Variants in CD226 observed in about 807,000 individuals in gnomAD.
CD226 encodes the protein CD226 molecule, also known as CD226 antigen.
A neutral mutation model predicts 34.9 loss-of-function variants in CD226; 24 were observed. The ratio of observed to expected loss-of-function variants is 0.69; its 90% CI spans 0.50 to 0.97. The LOEUF (loss-of-function observed/expected upper bound fraction) is 0.97. Ranked by LOEUF, CD226 falls within the 50% of genes least tolerant of loss-of-function variation. The pLI is 0.00. For missense variants in CD226, 397 were observed against 412.7 expected, an observed-to-expected ratio of 0.96 and a Z score of 0.33; for synonymous variants, 148 against 147.4, an observed-to-expected ratio of 1.00 and a Z score of -0.03.
intron 2 of CD226, among the ~76,000 whole-genome samples, chr18:69,910,253 A>G (rs2055307730): frequency 6.6e-6 from 1 of 152,234 alleles, no homozygotes; most frequent in South Asian, 2.1e-4. Flanking sequence ...CAGAAAGGAG[A>G]AATAGGAACT....
intron 3 of CD226, among the ~76,000 whole-genome samples, chr18:69,890,136 CTTAAAA>C (rs1277668074): frequency 1.3e-5 from 2 of 152,084 alleles, no homozygotes; most frequent in Non-Finnish European, 2.9e-5. Flanking sequence ...AGGTAGAAAA[CTTAAAA>C]TTAAAATGGA....
rs1164271662 is a variant in CD226 at position 69,858,754 on chromosome 18, G to A, written c.*5560C>T. The A allele has an allele frequency of 1.3e-5, 1 of 78,182 alleles. No individual in the cohort carries two copies. The allele number at this position is 78,182 out of a possible 1,614,324, so 4.8% of individuals were successfully genotyped here. A position where few individuals can be genotyped will look rare whatever the true frequency, so the allele number is the denominator to read the frequency against. On this transcript the variant is annotated 3_prime_UTR_variant, in exon 6 of 6. Coordinates refer to ENST00000582621, the MANE Select transcript of CD226 (RefSeq NM_001303618.2). Reference sequence around the variant, plus strand: ...TTTTTTTTTTTTTTTTTTTGAGACGGAGTCTCGCTCTGTTGCCCAGGGTGG... The same window carrying A: ...TTTTTTTTTTTTTTTTTTTGAGACGAAGTCTCGCTCTGTTGCCCAGGGTGG...
intron 3 of CD226, among the ~76,000 whole-genome samples, chr18:69,883,850 T>C (rs1165988124): frequency 6.6e-6 from 1 of 152,166 alleles, no homozygotes; most frequent in Non-Finnish European, 1.5e-5. Context: ...GGGTGCCCCC[T>C]CCCCAGGATC....
intron 2 of CD226, among the ~76,000 whole-genome samples, chr18:69,900,731 T>A (rs1357335145): frequency 8.1e-6 from 1 of 124,050 alleles, no homozygotes; most frequent in African/African-American, 3.3e-5. Flanking sequence ...AGAGCGAGAC[T>A]CCGTCTCAAA....
intron 2 of CD226, among the ~76,000 whole-genome samples, chr18:69,913,393 CTTTT>C (rs937744991): frequency 1.3e-5 from 2 of 152,134 alleles, no homozygotes; most frequent in African/African-American, 4.8e-5. Context: ...ATTATTTAAG[CTTTT>C]TATTTCTCAG....
intron 2 of CD226, among the ~76,000 whole-genome samples, chr18:69,911,631 A>G (rs1247027182): frequency 6.6e-6 from 1 of 152,172 alleles, no homozygotes; most frequent in Non-Finnish European, 1.5e-5. Flanking sequence ...ATAATACCCA[A>G]TTCACTCAAA....
At chr18:69,950,072 A>G (rs2055837185), upstream of CD226, among the ~76,000 whole-genome samples, 1 of 151,942 alleles carries the variant, frequency 6.6e-6, no homozygotes, top group African/African-American at 2.4e-5. Flanking sequence ...GCACTCACAC[A>G]CATGCACACA....
intron 2 of CD226, among the ~76,000 whole-genome samples, chr18:69,905,371 T>A (rs980897561): frequency 1.1e-4 from 16 of 152,288 alleles, no homozygotes; most frequent in African/African-American, 3.9e-4. Context: ...AACACATTAG[T>A]GTGAAATTGT....
intron 2 of CD226, among the ~76,000 whole-genome samples, chr18:69,923,422 C>T (rs4891790): frequency 0.9 from 136,910 of 152,112 alleles, 62,991 homozygotes; most frequent in East Asian, 1. Context: ...ACTGCGAAAA[C>T]GTCCTCTTTT....
At chr18:69,900,962 GCAAATTCA>G (rs2055174933) in intron 2 of CD226, among the ~76,000 whole-genome samples, 1 of 152,132 alleles carries the variant, frequency 6.6e-6, no homozygotes. Flanking sequence ...CTCAGTGTCT[GCAAATTCA>G]CAAATGCCAT....
At chr18:69,905,268 T>C (rs983857457) in intron 2 of CD226, among the ~76,000 whole-genome samples, 5 of 151,486 alleles carry the variant, frequency 3.3e-5, no homozygotes, top group African/African-American at 9.8e-5. Flanking sequence ...AGATAGCTTA[T>C]TTTCTGATGC....
chr18:69,886,270 A>G (rs544237422), intron 3 of CD226, among the ~76,000 whole-genome samples: 2 of 152,342 alleles, frequency 1.3e-5, no homozygotes, highest in South Asian at 4.1e-4. Context: ...TAAATCAGTA[A>G]CTACGAGTAA....
At chr18:69,880,946 C>T (rs1124979) in intron 3 of CD226, among the ~76,000 whole-genome samples, 7,129 of 152,072 alleles carry the variant, frequency 0.047, 503 homozygotes, top group African/African-American at 0.15. Flanking sequence ...CCACAGCACC[C>T]AGCCAAGTTT....
At chr18:69,939,880 G>A (rs1568204368) in intron 2 of CD226, among the ~76,000 whole-genome samples, 1 of 152,072 alleles carries the variant, frequency 6.6e-6, no homozygotes, top group East Asian at 1.9e-4. Context: ...GCTCTCCTGG[G>A]TCTGCAGCCT....
chr18:69,919,200 A>G (rs1038617501), intron 2 of CD226, among the ~76,000 whole-genome samples: 3 of 152,208 alleles, frequency 2.0e-5, no homozygotes. Flanking sequence ...TATCTCAGCT[A>G]ATTTGCCACT....
At chr18:69,900,459 G>A (rs978550883) in intron 2 of CD226, among the ~76,000 whole-genome samples, 5 of 152,140 alleles carry the variant, frequency 3.3e-5, no homozygotes, top group Admixed American at 6.5e-5. Flanking sequence ...CTGGCCGGGC[G>A]CGGTGGCTCA....
At chr18:69,896,265 T>C (rs1985291008) in intron 2 of CD226, 1 of 508,466 alleles carries the variant, frequency 2.0e-6, no homozygotes, top group South Asian at 8.6e-5. Flanking sequence ...CAATGCAACC[T>C]CCACCTCCCA....
At position 69,896,002 on chromosome 18, in the gene CD226, C is replaced by T. The variant is rs764847260; in HGVS notation, c.426G>A (p.Ser142=). The T allele has an allele frequency of 3.1e-5, 50 of 1,612,910 alleles. No homozygotes were observed. The highest frequency in any genetic ancestry group is 5.0e-5 in the Admixed American group (3 of 59,994). The part of the protein sequence containing the change: ...AAVPSNSHIV[S]EPGKNVTLTC... ...TGAGTGTGACATTCTTTCCAGGTTC[C>T]GAAACAATGTGGCTATTTGATGGCA... The change falls in exon 3 of 6, where the codon TCG becomes TCA. Residue 142 remains serine, a synonymous_variant. Transcript: ENST00000582621.
chr18:69,875,212 C>T (rs888334389), intron 3 of CD226, among the ~76,000 whole-genome samples: 4 of 152,330 alleles, frequency 2.6e-5, no homozygotes, highest in Admixed American at 6.5e-5. Flanking sequence ...AATCTCAGCT[C>T]GCTGCAAGCT....
Sources: allele counts gnomAD v4.1 joint callset (sites outside exome capture counted in the v4.1 genomes callset), GRCh38; gene constraint gnomAD v4.1.1; transcripts MANE v1.5; gene names NCBI Gene and HGNC (gene_info 2026-07-23, HGNC 2026-07-21).